Variants in MERTK observed in about 807,000 individuals in gnomAD.
The protein encoded by MERTK is MER proto-oncogene, tyrosine kinase, also known as tyrosine-protein kinase Mer.
Under a neutral mutation model 99.3 loss-of-function variants are expected in MERTK, and 69 were observed. The ratio of observed to expected loss-of-function variants is 0.70; its 90% CI spans 0.57 to 0.85. The LOEUF is 0.85. Ranked by LOEUF, MERTK falls within the 40% of genes least tolerant of loss-of-function variation. The probability of loss-of-function intolerance (pLI) is 0.00; values close to 1 mark genes in which losing one functional copy is unlikely to be tolerated. For synonymous variants in MERTK, 426 were observed against 467.6 expected (o/e 0.91, Z 1.15); for missense variants, 1,125 against 1,249.4 (o/e 0.90, Z 1.50).
At chr2:111,944,533 A>AAAATAATTCCTCT (rs1265922025) in intron 2 of MERTK, among the ~76,000 whole-genome samples, 2 of 151,258 alleles carry the variant, frequency 1.3e-5, no homozygotes, top group Non-Finnish European at 3.0e-5. Flanking sequence ...TTAAGGAATT[A>AAAATAATTCCTCT]GCTCACACAC....
In MERTK at chr2:111,914,077, T is replaced by TTTTC. The variant is rs563885531; in HGVS notation, c.62-15019_62-15016dup. ...TTATTAAGTTGAGGATGTGCCCCTCTTTTCTTTCTTTCTTTCTTTCTTTCT... is the reference window on the plus strand; with the variant it reads ...TTATTAAGTTGAGGATGTGCCCCTCTTTTCTTTCTTTCTTTCTTTCTTTCTTTCT... On this transcript the variant is annotated intron_variant, in intron 1 of 18. Coordinates refer to ENST00000295408, the MANE Select transcript of MERTK (RefSeq NM_006343.3). 4.0e-3 allele frequency among the ~76,000 whole-genome samples: 492 copies of TTTTC among 123,140 alleles called. 9 individuals are homozygous for TTTTC. The highest frequency in any genetic ancestry group is 0.011 in the African/African-American group (389 of 34,378). 80.8% of individuals were successfully genotyped at this position (123,140 alleles called of 152,430 possible). A position where few individuals can be genotyped will look rare whatever the true frequency, so the allele number is the denominator to read the frequency against.
In MERTK at chr2:112,008,290, C is replaced by G. The variant is rs558099234; in HGVS notation, c.1868-93C>G. ...TCTCTATACTTTCATCTCTTCCTGA[C>G]CTGGGTTTTAGAGAACAGAACTGCT... On this transcript the variant is annotated intron_variant, in intron 13 of 18. Transcript: ENST00000295408. 827 of 883,458 alleles carry G rather than the reference C, an allele frequency of 9.4e-4. 5 individuals are homozygous for G. The highest frequency in any genetic ancestry group is 1.3e-3 in the Non-Finnish European group (719 of 534,154). The allele number at this position is 883,458 out of a possible 1,614,324, so 54.7% of individuals were successfully genotyped here.
chr2:111,940,922 A>G (rs1392940289), intron 2 of MERTK: 1 of 678,004 alleles, frequency 1.5e-6, no homozygotes, highest in Non-Finnish European at 2.8e-6. Context: ...GTCTTGTAGT[A>G]TCTGATTTTC....
chr2:111,997,895 T>C (rs878985653), intron 10 of MERTK, among the ~76,000 whole-genome samples: 2 of 152,032 alleles, frequency 1.3e-5, no homozygotes, highest in Admixed American at 1.3e-4. Flanking sequence ...CTACAGAAAA[T>C]ACAAAAATTA....
intron 13 of MERTK, among the ~76,000 whole-genome samples, chr2:112,006,677 G>A (rs1272364255): frequency 6.6e-6 from 1 of 152,152 alleles, no homozygotes; most frequent in Non-Finnish European, 1.5e-5. Context: ...GTCAAAGATT[G>A]AGAGTATAAT....
chr2:111,957,984 A>C (rs1685181049), intron 4 of MERTK, among the ~76,000 whole-genome samples: 1 of 152,190 alleles, frequency 6.6e-6, no homozygotes, highest in South Asian at 2.1e-4. Flanking sequence ...CCTGTTACTG[A>C]ATGTTCCTTA....
At chr2:112,012,974 A>G (rs968534825) in intron 15 of MERTK, among the ~76,000 whole-genome samples, 1 of 152,152 alleles carries the variant, frequency 6.6e-6, no homozygotes, top group African/African-American at 2.4e-5. Context: ...CTTCCAGCTG[A>G]CGTTGTTGGT....
At chr2:111,956,424 C>T (rs915425154) in intron 4 of MERTK, among the ~76,000 whole-genome samples, 3 of 152,172 alleles carry the variant, frequency 2.0e-5, no homozygotes, top group Middle Eastern at 3.4e-3. Flanking sequence ...GGTGGGCTTG[C>T]GTTGATCTTT....
chr2:111,957,377 C>A (rs888640644), intron 4 of MERTK, among the ~76,000 whole-genome samples: 4 of 152,086 alleles, frequency 2.6e-5, no homozygotes, highest in African/African-American at 9.7e-5. Flanking sequence ...TGCCTAGAAC[C>A]TCCCCAGGCC....
chr2:111,960,517 A>G (rs7578057), intron 4 of MERTK, among the ~76,000 whole-genome samples: 34,943 of 149,532 alleles, frequency 0.23, 4,435 homozygotes, highest in South Asian at 0.32. Flanking sequence ...GAAAATTCCA[A>G]ATTTTGTCCA....
At chr2:111,912,319 T>C (rs1553445032) in intron 1 of MERTK, among the ~76,000 whole-genome samples, 1 of 152,192 alleles carries the variant, frequency 6.6e-6, no homozygotes, top group Non-Finnish European at 1.5e-5. Context: ...AGTTGCCTCT[T>C]AATGGGCATT....
At chr2:112,012,817 C>T (rs996778631) in intron 15 of MERTK, among the ~76,000 whole-genome samples, 38 of 152,214 alleles carry the variant, frequency 2.5e-4, no homozygotes, top group African/African-American at 7.7e-4. Context: ...TGGGGGAAGT[C>T]GGCTTAGAAA....
At chr2:112,004,267 C>CT (rs1252334308) in intron 13 of MERTK, among the ~76,000 whole-genome samples, 4 of 152,112 alleles carry the variant, frequency 2.6e-5, no homozygotes, top group African/African-American at 9.7e-5. Flanking sequence ...CTCTCTTTCT[C>CT]TCACTCTCAT....
At chr2:111,988,388 A>G (rs957626393) in intron 8 of MERTK, among the ~76,000 whole-genome samples, 1 of 152,170 alleles carries the variant, frequency 6.6e-6, no homozygotes, top group African/African-American at 2.4e-5. Flanking sequence ...GAAACTTAAC[A>G]TGGAGGTAAA....
At chr2:112,012,045 G>C (rs1023822864) in intron 15 of MERTK, among the ~76,000 whole-genome samples, 1 of 152,206 alleles carries the variant, frequency 6.6e-6, no homozygotes, top group Non-Finnish European at 1.5e-5. Context: ...AACTAGACTG[G>C]GGGGTGTGGT....
chr2:111,975,867 G>A (rs1406981600), intron 7 of MERTK, among the ~76,000 whole-genome samples: 1 of 152,060 alleles, frequency 6.6e-6, no homozygotes, highest in Non-Finnish European at 1.5e-5. Context: ...CCAGCTGAGT[G>A]TCCTCCATTC....
At chr2:111,902,796 C>CCCTT (rs1263630526) in intron 1 of MERTK, among the ~76,000 whole-genome samples, 6 of 23,408 alleles carry the variant, frequency 2.6e-4, no homozygotes, top group African/African-American at 5.8e-4. Flanking sequence ...CTTCCTCCCT[C>CCCTT]CCTCCCTCCC....
At position 112,001,269 on chromosome 2, in the gene MERTK, G is replaced by A. The variant is rs759976333; in HGVS notation, c.1673G>A (p.Arg558Gln). 1.1e-5 allele frequency: 17 copies of A among 1,613,536 alleles called. No homozygotes were observed. The highest frequency in any genetic ancestry group is 6.6e-5 in the South Asian group (6 of 91,060). ...ATAGCAAAGAAATCCTTCTGTCGGCGAGCCATTGAACTTACCTGTAAGTTG... is the reference window on the plus strand; with the variant it reads ...ATAGCAAAGAAATCCTTCTGTCGGCAAGCCATTGAACTTACCTGTAAGTTG... ...NYIAKKSFCR[R>Q]AIELTLHSLG... The change falls in exon 11 of 19, where the codon CGA becomes CAA. Residue 558 changes from arginine to glutamine, a missense_variant. By Grantham distance (43) the Arg-to-Gln change is conservative. Transcript: ENST00000295408.
intron 1 of MERTK, among the ~76,000 whole-genome samples, chr2:111,901,887 T>A (rs1684050847): frequency 6.6e-6 from 1 of 151,682 alleles, no homozygotes; most frequent in African/African-American, 2.4e-5. Flanking sequence ...ACAATAATTA[T>A]GTTTTTTTGT....
Sources: allele counts gnomAD v4.1 joint callset (sites outside exome capture counted in the v4.1 genomes callset), GRCh38; gene constraint gnomAD v4.1.1; transcripts MANE v1.5; gene names NCBI Gene and HGNC (gene_info 2026-07-23, HGNC 2026-07-21).